Variants in DNAH2 observed in about 807,000 individuals in gnomAD.
DNAH2 encodes axonemal beta dynein heavy chain 2.
In DNAH2, 323 loss-of-function variants were observed where a neutral mutation model predicts 523.5. That is an observed-to-expected ratio of 0.62 (90% confidence interval 0.56 to 0.68). The LOEUF is 0.68. Ranked by LOEUF, DNAH2 falls within the 30% of genes least tolerant of loss-of-function variation. DNAH2 has a pLI of 0.00. For synonymous variants in DNAH2, 2,093 were observed against 2,177.4 expected (o/e 0.96, Z 1.08); for missense variants, 4,907 against 5,701.5 (o/e 0.86, Z 4.49).
chr17:7,746,141 C>A (rs913910120), intron 12 of DNAH2, among the ~76,000 whole-genome samples: 1 of 152,122 alleles, frequency 6.6e-6, no homozygotes, highest in East Asian at 1.9e-4. Flanking sequence ...ATAGTATTTT[C>A]AAAACAAATG....
chr17:7,741,221 CTT>C (rs951327750), intron 11 of DNAH2, among the ~76,000 whole-genome samples: 2 of 146,900 alleles, frequency 1.4e-5, no homozygotes, highest in Admixed American at 1.4e-4. Flanking sequence ...TCCTTCCTTT[CTT>C]TTTTTTCTCT....
intron 43 of DNAH2, 40 bp downstream of exon 43, chr17:7,788,037 G>C (rs1393176940): frequency 6.2e-7 from 1 of 1,613,136 alleles, no homozygotes; most frequent in East Asian, 2.2e-5. Context: ...AACCAGGGTG[G>C]CTCCAGGACA....
In DNAH2 at chr17:7,737,051, C is replaced by G. The variant is rs1420891715; in HGVS notation, c.979-16C>G. 6.2e-7 allele frequency: 1 copy of G among 1,607,302 alleles called. No individual in the cohort carries two copies. The highest frequency in any genetic ancestry group is 1.7e-5 in the Admixed American group (1 of 59,364). On this transcript the variant is annotated splice_polypyrimidine_tract_variant and intron_variant, in intron 7 of 85. Coordinates refer to ENST00000572933, the MANE Select transcript of DNAH2 (RefSeq NM_020877.5). The stretch of plus-strand genomic sequence containing the variant: ...TCTAGTGCATAAATCTATTTCTCAT[C>G]TCTCTTTACTGCCAGGATGGCTCTC...
rs752107203 is a variant in DNAH2 at position 7,775,252 on chromosome 17, C to T, written c.4731C>T (p.Pro1577=). The change falls in exon 30 of 86, where the codon CCC becomes CCT. Residue 1577 remains proline, a synonymous_variant. Coordinates refer to ENST00000572933, the MANE Select transcript of DNAH2 (RefSeq NM_020877.5). ...TCTGCTTTCTGCAGGTTGGAGGGCCCAGCAGCAAATGGGAAGCTGTGGGGA... is the reference window on the plus strand; with the variant it reads ...TCTGCTTTCTGCAGGTTGGAGGGCCTAGCAGCAAATGGGAAGCTGTGGGGA... ...KLLRIQKVGG[P]SSKWEAVGMF... is the part of the protein sequence containing the mutation. 1 of 1,612,910 alleles carries T rather than the reference C, an allele frequency of 6.2e-7. No homozygotes were observed. The highest frequency in any genetic ancestry group is 1.1e-5 in the South Asian group (1 of 90,722).
intron 49 of DNAH2, among the ~76,000 whole-genome samples, chr17:7,794,750 T>G (rs2077016437): frequency 7.0e-6 from 1 of 143,416 alleles, no homozygotes; most frequent in Non-Finnish European, 1.5e-5. Flanking sequence ...TGTTAACACT[T>G]CCTTTTTTTT....
Position 7,798,132 on chromosome 17 carries a change from A to G in DNAH2, c.8231-25A>G. 1.3e-6 allele frequency: 2 copies of G among 1,562,040 alleles called. No individual in the cohort carries two copies. Among genetic ancestry groups the G allele is most frequent in the Non-Finnish European group, 1.7e-6 (2 of 1,148,888 alleles). The stretch of plus-strand genomic sequence containing the variant: ...CCTGAGTTTGCTCAGCCAACTCATT[A>G]CCCTCACACCCACCCCACCCCCAGT... On this transcript the variant is annotated intron_variant, in intron 53 of 85. Coordinates refer to ENST00000572933, the MANE Select transcript of DNAH2 (RefSeq NM_020877.5). The surrounding 1 kb of genome is among the most constrained non-coding windows in gnomAD (Gnocchi z 5.5).
At chr17:7,764,423 A>G (rs1313276929) in intron 20 of DNAH2, 150 bp downstream of exon 20, 2 of 924,900 alleles carry the variant, frequency 2.2e-6, no homozygotes, top group Non-Finnish European at 3.2e-6. Flanking sequence ...TGATACCTTT[A>G]CTTAGCTTCT....
intron 52 of DNAH2, 73 bp from the exon 53 acceptor site, chr17:7,797,607 C>T: frequency 6.2e-7 from 1 of 1,613,822 alleles, no homozygotes; most frequent in Non-Finnish European, 8.5e-7. Context: ...GGCATGGGGT[C>T]TGAAGTGTGG....
At chr17:7,764,077 G>A (rs759541463) in intron 19 of DNAH2, 40 bp from the exon 20 acceptor site, 17 of 1,614,176 alleles carry the variant, frequency 1.1e-5, no homozygotes, top group Non-Finnish European at 1.4e-5. Flanking sequence ...GGCAGGCACT[G>A]GGCCTTCCAC....
intron 77 of DNAH2, among the ~76,000 whole-genome samples, chr17:7,825,045 AAG>A (rs1434376811): frequency 6.6e-6 from 1 of 152,222 alleles, no homozygotes; most frequent in Non-Finnish European, 1.5e-5. Context: ...GAGATACAGA[AAG>A]AGTAAATAAG....
chr17:7,736,896 T>C (rs2075158189), intron 7 of DNAH2, among the ~76,000 whole-genome samples, 171 bp from the exon 8 acceptor site: 3 of 152,120 alleles, frequency 2.0e-5, no homozygotes, highest in Non-Finnish European at 4.4e-5. Context: ...GCAGGAGAAT[T>C]GCTTGAACCT....
chr17:7,820,470 C>T (rs1339177320), intron 72 of DNAH2, among the ~76,000 whole-genome samples: 4 of 152,182 alleles, frequency 2.6e-5, no homozygotes, highest in Admixed American at 2.0e-4. Context: ...GCCTGAGCGT[C>T]CCTGACTGCC....
At chr17:7,735,484 G>T (rs1232773298) in intron 7 of DNAH2, among the ~76,000 whole-genome samples, 3 of 151,970 alleles carry the variant, frequency 2.0e-5, no homozygotes, top group Non-Finnish European at 4.4e-5. Flanking sequence ...GGTGCTGGAG[G>T]CTGAAGTGCA....
intron 77 of DNAH2, among the ~76,000 whole-genome samples, chr17:7,829,108 G>C (rs1597794719): frequency 1.3e-5 from 2 of 151,928 alleles, no homozygotes; most frequent in Non-Finnish European, 1.5e-5. Flanking sequence ...TCCTCCTCCT[G>C]GGTTCAAGCG....
At chr17:7,744,624 A>G (rs1311449719) in intron 12 of DNAH2, among the ~76,000 whole-genome samples, 3 of 152,182 alleles carry the variant, frequency 2.0e-5, no homozygotes, top group Admixed American at 2.0e-4. Flanking sequence ...AGGTTTGAGA[A>G]AAGGCTTCGA....
In DNAH2 at chr17:7,766,455, T is replaced by A. The variant is rs767451104; in HGVS notation, c.3649T>A (p.Ser1217Thr). 4.3e-6 allele frequency: 7 copies of A among 1,613,772 alleles called. No individual in the cohort carries two copies. The highest frequency in any genetic ancestry group is 5.9e-6 in the Non-Finnish European group (7 of 1,179,882). The change falls in exon 22 of 86, where the codon TCC becomes ACC. Residue 1217 changes from serine (S) to threonine (T), a missense_variant. Ser to Thr is a moderately conservative substitution (Grantham distance 58, BLOSUM62 1). Coordinates refer to ENST00000572933, the MANE Select transcript of DNAH2 (RefSeq NM_020877.5). The stretch of plus-strand genomic sequence containing the variant: ...CATCTTCAAGATCGAGCAGCCACCC[T>A]CCAAGGACCTTCAGAACCTGGAGAA... ...LGIFKIEQPP[S>T]KDLQNLEKEL...
chr17:7,768,678 C>A (rs1231072760), intron 24 of DNAH2, among the ~76,000 whole-genome samples: 1 of 152,016 alleles, frequency 6.6e-6, no homozygotes, highest in African/African-American at 2.4e-5. Flanking sequence ...GTCCTTTGAC[C>A]AACACCTCCC....
intron 4 of DNAH2, among the ~76,000 whole-genome samples, chr17:7,731,154 A>G (rs936822840): frequency 1.3e-5 from 2 of 151,684 alleles, no homozygotes; most frequent in Non-Finnish European, 2.9e-5. Context: ...AAATTAAATT[A>G]AATTAAAAAG....
Position 7,759,596 on chromosome 17 carries a change from G to A in DNAH2, c.2623G>A (p.Gly875Arg), listed in dbSNP as rs754446831. The A allele has an allele frequency of 3.1e-6, 5 of 1,613,832 alleles. No individual in the cohort carries two copies. In the African/African-American group the frequency reaches 4.0e-5, roughly 13 times the overall value. Reference sequence around the variant, plus strand: ...TGTCATTTTGAAGAATGATCTGCAAGGAAGTGTGGCACAGGTAAGAACCAC... The same window carrying A: ...TGTCATTTTGAAGAATGATCTGCAAAGAAGTGTGGCACAGGTAAGAACCAC... ...VLVILKNDLQ[G>R]SVAQVEFSPT... Residue 875 changes from glycine (G) to arginine (R), a missense_variant, in exon 16 of 86, where the codon GGA becomes AGA. Physicochemically the swap from Gly to Arg is moderately radical, Grantham distance 125. Around this residue, in one of 3 missense-constraint regions of DNAH2, gnomAD observed 2,806 missense variants for 3,190.8 expected, o/e 0.88. Transcript: ENST00000572933.
Sources: allele counts gnomAD v4.1 joint callset (sites outside exome capture counted in the v4.1 genomes callset), GRCh38; gene constraint gnomAD v4.1.1; regional missense constraint gnomAD v4.1.1; non-coding constraint Gnocchi (gnomAD v3.1); transcripts MANE v1.5; gene names NCBI Gene and HGNC (gene_info 2026-07-23, HGNC 2026-07-21).